Variants in PAK5 observed in about 807,000 individuals in gnomAD.
The protein encoded by PAK5 is p21 (RAC1) activated kinase 5.
In PAK5, 16 loss-of-function variants were observed where a neutral mutation model predicts 65.9. The ratio of observed to expected loss-of-function variants is 0.24; its 90% CI spans 0.16 to 0.37. The LOEUF (loss-of-function observed/expected upper bound fraction) is 0.37. Ranked by LOEUF, PAK5 falls within the 10% of genes least tolerant of loss-of-function variation. The probability of loss-of-function intolerance (pLI) is 1.00; values close to 1 mark genes in which losing one functional copy is unlikely to be tolerated. For synonymous variants in PAK5, 371 were observed against 354.9 expected (o/e 1.05, Z -0.51); for missense variants, 785 against 903.9 (o/e 0.87, Z 1.69).
chr20:9,717,113 T>C (rs1366777323), intron 1 of PAK5, among the ~76,000 whole-genome samples: 2 of 150,392 alleles, frequency 1.3e-5, no homozygotes, highest in East Asian at 3.9e-4. Context: ...GAAATCTGAA[T>C]GCTGAATGTT....
chr20:9,596,257 G>A (rs571322071), intron 3 of PAK5, among the ~76,000 whole-genome samples: 1 of 152,234 alleles, frequency 6.6e-6, no homozygotes, highest in South Asian at 2.1e-4. Context: ...GTCTTCTGAA[G>A]GCTGTTTACT....
intron 2 of PAK5, among the ~76,000 whole-genome samples, chr20:9,704,332 T>C (rs1236678471): frequency 6.6e-6 from 1 of 152,188 alleles, no homozygotes. Flanking sequence ...TAACATTTTC[T>C]TTCCGCAGGT....
chr20:9,729,887 C>T (rs974040438), intron 1 of PAK5, among the ~76,000 whole-genome samples: 1 of 150,906 alleles, frequency 6.6e-6, no homozygotes, highest in Non-Finnish European at 1.5e-5. Context: ...TGATGTGTGC[C>T]TGTAGTCCCA....
At chr20:9,602,331 TAAATAAATA>T (rs1448611910) in intron 3 of PAK5, among the ~76,000 whole-genome samples, 1 of 127,136 alleles carries the variant, frequency 7.9e-6, no homozygotes, top group Non-Finnish European at 1.6e-5. Flanking sequence ...AATAAATAAA[TAAATAAATA>T]AAATAAACTC....
chr20:9,806,565 T>TC (rs1250697820), intron 1 of PAK5, among the ~76,000 whole-genome samples: 8 of 152,264 alleles, frequency 5.3e-5, no homozygotes, highest in African/African-American at 1.7e-4. Context: ...GTGTGGGCTT[T>TC]CCCATCGAAA....
chr20:9,720,954 A>G (rs2048206147), intron 1 of PAK5, among the ~76,000 whole-genome samples: 1 of 152,094 alleles, frequency 6.6e-6, no homozygotes, highest in Non-Finnish European at 1.5e-5. Flanking sequence ...GGGAACAGGA[A>G]AATGAGGAGT....
intron 1 of PAK5, among the ~76,000 whole-genome samples, chr20:9,755,793 T>C (rs186460896): frequency 1.2e-4 from 19 of 152,328 alleles, no homozygotes; most frequent in Non-Finnish European, 2.5e-4. Context: ...TGAGAAATCC[T>C]CTTTTAAAAC....
intron 2 of PAK5, among the ~76,000 whole-genome samples, chr20:9,666,778 A>C (rs1359698497): frequency 6.6e-6 from 1 of 152,188 alleles, no homozygotes; most frequent in Non-Finnish European, 1.5e-5. Flanking sequence ...TGCTTGTCAC[A>C]TTGATTTTTA....
intron 2 of PAK5, among the ~76,000 whole-genome samples, chr20:9,697,264 A>T (rs762615281): frequency 2.6e-5 from 4 of 152,108 alleles, no homozygotes; most frequent in Non-Finnish European, 5.9e-5. Flanking sequence ...CCATCATGTA[A>T]CAGATGCTGA....
chr20:9,669,269 T>C (rs1272915148), intron 2 of PAK5, among the ~76,000 whole-genome samples: 5 of 152,160 alleles, frequency 3.3e-5, no homozygotes, highest in African/African-American at 1.2e-4. Context: ...AGATTACCAA[T>C]ATATTTACTT....
intron 3 of PAK5, among the ~76,000 whole-genome samples, chr20:9,609,933 G>A (rs897263771): frequency 3.3e-5 from 5 of 152,176 alleles, no homozygotes; most frequent in East Asian, 1.9e-4. Context: ...AGCCTGTGAC[G>A]GTAGAAGTAA....
At chr20:9,734,782 A>G (rs946550314) in intron 1 of PAK5, among the ~76,000 whole-genome samples, 7 of 152,148 alleles carry the variant, frequency 4.6e-5, no homozygotes, top group African/African-American at 1.7e-4. Context: ...TATTTCCCCT[A>G]GCATTAGAGG....
intron 3 of PAK5, among the ~76,000 whole-genome samples, chr20:9,643,032 C>A (rs752149202): frequency 2.1e-4 from 32 of 152,292 alleles, no homozygotes; most frequent in Non-Finnish European, 4.1e-4. Flanking sequence ...AAGCATTTCC[C>A]ATAATGTATC....
chr20:9,722,362 G>A (rs1159854614), intron 1 of PAK5, among the ~76,000 whole-genome samples: 5 of 152,136 alleles, frequency 3.3e-5, no homozygotes, highest in African/African-American at 9.7e-5. Flanking sequence ...GCTGACGCCT[G>A]TAATCACGTG....
intron 1 of PAK5, among the ~76,000 whole-genome samples, chr20:9,729,452 G>T (rs1367375398): frequency 3.3e-5 from 5 of 151,978 alleles, no homozygotes; most frequent in Middle Eastern, 3.4e-3. Flanking sequence ...CACTTCCATA[G>T]CATCAGAATC....
rs570418558 is a variant in PAK5, at chr20:9,661,585, T to G, written c.-11-17246A>C. ...ATTTATTCCCCTTTCTATCATTTAT[T>G]GCCCCTCAATAGAATTATTCTTCTC... On this transcript the variant is annotated intron_variant, in intron 2 of 9. Coordinates refer to ENST00000353224, the MANE Select transcript of PAK5 (RefSeq NM_177990.4). Among the ~76,000 whole-genome samples the G allele has an allele frequency of 6.6e-5, 10 of 152,270 alleles. No individual in the cohort carries two copies. The East Asian group carries it at 1.9e-3, about 29-fold the overall frequency.
intron 1 of PAK5, among the ~76,000 whole-genome samples, chr20:9,827,034 C>T (rs186332235): frequency 1.3e-4 from 15 of 112,148 alleles, no homozygotes; most frequent in Admixed American, 1.1e-3. Flanking sequence ...ATACCCATGT[C>T]CAATATTGGA....
chr20:9,659,920 C>A (rs532049676), intron 2 of PAK5, among the ~76,000 whole-genome samples: 1 of 152,282 alleles, frequency 6.6e-6, no homozygotes, highest in Non-Finnish European at 1.5e-5. Flanking sequence ...TCTGACTCTT[C>A]TCTTCATATT....
intron 2 of PAK5, among the ~76,000 whole-genome samples, chr20:9,704,040 G>A (rs560728097): frequency 1.3e-5 from 2 of 152,254 alleles, no homozygotes; most frequent in East Asian, 1.9e-4. Context: ...GGTGGTTTAA[G>A]GGAACTTAGA....
Sources: gnomAD v4.1 joint callset for allele counts (sites outside exome capture counted in the v4.1 genomes callset) on GRCh38, gnomAD v4.1.1 for gene constraint, MANE v1.5 for transcripts, NCBI Gene and HGNC (gene_info 2026-07-23, HGNC 2026-07-21) for gene names.